The following DPYD variants were observed in gnomAD, a reference collection of about 807,000 sequenced individuals.
DPYD encodes the protein dihydropyrimidine dehydrogenase.
DPYD carries 109 observed loss-of-function variants against 116.2 expected under a neutral mutation model. The observed-to-expected ratio is 0.94, with a 90% CI of 0.80 to 1.10. DPYD has a LOEUF of 1.10. Ranked by LOEUF, DPYD falls within the 50% of genes least tolerant of loss-of-function variation. DPYD has a pLI of 0.00. For synonymous variants in DPYD, 440 were observed against 432.0 expected (o/e 1.02, Z -0.23); for missense variants, 1,302 against 1,254.5 (o/e 1.04, Z -0.57).
At chr1:97,309,461 C>T (rs968864887) in intron 16 of DPYD, among the ~76,000 whole-genome samples, 1 of 151,504 alleles carries the variant, frequency 6.6e-6, no homozygotes, top group Non-Finnish European at 1.5e-5. Flanking sequence ...GACAGAGGTG[C>T]ATGGCATTAT....
intron 3 of DPYD, among the ~76,000 whole-genome samples, chr1:97,770,035 G>C (rs776637088): frequency 2.6e-5 from 4 of 152,176 alleles, no homozygotes; most frequent in Non-Finnish European, 5.9e-5. Context: ...ATATTAAAAA[G>C]CCATTCAATG....
chr1:97,224,958 G>T (rs1661016481), intron 19 of DPYD, among the ~76,000 whole-genome samples: 1 of 151,812 alleles, frequency 6.6e-6, no homozygotes. Context: ...GAATAATACT[G>T]CACAGAATAT....
intron 4 of DPYD, among the ~76,000 whole-genome samples, chr1:97,737,011 T>C (rs1663993483): frequency 6.6e-6 from 1 of 152,108 alleles, no homozygotes; most frequent in Non-Finnish European, 1.5e-5. Flanking sequence ...TTTTATAAAA[T>C]ACTCCTCACC....
At chr1:97,655,838 G>A (rs1010002998) in intron 8 of DPYD, among the ~76,000 whole-genome samples, 6 of 152,086 alleles carry the variant, frequency 3.9e-5, no homozygotes, top group African/African-American at 7.2e-5. Flanking sequence ...AAATATTGAC[G>A]TTAAAGGTTC....
chr1:97,687,200 G>C (rs1475853628), intron 7 of DPYD, among the ~76,000 whole-genome samples: 1 of 152,110 alleles, frequency 6.6e-6, no homozygotes, highest in East Asian at 1.9e-4. Flanking sequence ...GAACCCAGGA[G>C]GTAGAGGTTG....
At chr1:97,484,610 A>G (rs1318217712) in intron 13 of DPYD, among the ~76,000 whole-genome samples, 1 of 152,124 alleles carries the variant, frequency 6.6e-6, no homozygotes, top group Non-Finnish European at 1.5e-5. Flanking sequence ...TTCTCCATGT[A>G]GCACAACTGT....
Position 97,487,445 on chromosome 1 carries a change from G to A in DPYD, c.1740+28281C>T, listed in dbSNP as rs529862038. Among the ~76,000 whole-genome samples the A allele has an allele frequency of 2.8e-3, 429 of 152,112 alleles. 1 individual carries two copies. The highest frequency in any genetic ancestry group is 0.014 in the Middle Eastern group (4 of 294). On this transcript the variant is annotated intron_variant, in intron 13 of 22. Coordinates refer to ENST00000370192, the MANE Select transcript of DPYD (RefSeq NM_000110.4). ...TCCCAGCACTTTGGGAGGCCAAGGC[G>A]GGCGGATCACGAGGTCAGGAGATCG...
intron 3 of DPYD, among the ~76,000 whole-genome samples, chr1:97,810,700 T>C (rs1668310776): frequency 6.6e-6 from 1 of 152,202 alleles, no homozygotes; most frequent in Admixed American, 6.5e-5. Context: ...GCAGACTCTC[T>C]GTATTCATTT....
chr1:97,107,290 C>T (rs963677408), intron 20 of DPYD, among the ~76,000 whole-genome samples: 2 of 152,090 alleles, frequency 1.3e-5, no homozygotes, highest in African/African-American at 2.4e-5. Flanking sequence ...TTAACTGGGG[C>T]CTGCATAGTC....
At position 97,659,596 on chromosome 1, in the gene DPYD, C is replaced by T. The variant is rs560695019; in HGVS notation, c.850+19499G>A. Among the ~76,000 whole-genome samples the T allele has an allele frequency of 3.9e-5, 6 of 152,236 alleles. No individual in the cohort carries two copies. The South Asian group carries it at 1.2e-3, about 32-fold the overall frequency. On this transcript the variant is annotated intron_variant, in intron 8 of 22. Coordinates refer to ENST00000370192, the MANE Select transcript of DPYD (RefSeq NM_000110.4). ...CTTTAACAGAAATCAGTACTCACTT[C>T]TTCCTTCAACTAAAGTTGAAAGCTT...
chr1:97,597,966 A>T (rs573528188), intron 8 of DPYD, among the ~76,000 whole-genome samples: 30 of 152,264 alleles, frequency 2.0e-4, no homozygotes, highest in African/African-American at 7.0e-4. Context: ...TAAAAATGTT[A>T]AAAAAATTAC....
At chr1:97,285,912 C>A (rs1303013562) in intron 18 of DPYD, among the ~76,000 whole-genome samples, 1 of 152,206 alleles carries the variant, frequency 6.6e-6, no homozygotes, top group Non-Finnish European at 1.5e-5. Flanking sequence ...ACCATTTAGT[C>A]CATTTACATT....
chr1:97,445,704 T>C (rs1303348026), intron 14 of DPYD, among the ~76,000 whole-genome samples: 1 of 150,380 alleles, frequency 6.6e-6, no homozygotes, highest in Non-Finnish European at 1.5e-5. Context: ...ATTACTCCTT[T>C]CTAAATGTAT....
At chr1:97,447,002 G>T (rs2101780366) in intron 14 of DPYD, among the ~76,000 whole-genome samples, 1 of 152,190 alleles carries the variant, frequency 6.6e-6, no homozygotes, top group East Asian at 1.9e-4. Context: ...GTAGGCTTTG[G>T]TATAACTGTG....
At chr1:97,818,616 C>A (rs1370439077) in intron 3 of DPYD, among the ~76,000 whole-genome samples, 1 of 151,956 alleles carries the variant, frequency 6.6e-6, no homozygotes, top group Non-Finnish European at 1.5e-5. Flanking sequence ...TCTTCTATTT[C>A]CCCAATTAAA....
intron 18 of DPYD, among the ~76,000 whole-genome samples, chr1:97,264,162 GTTTTTTTTTTTTTTTTT>G (rs71071641): frequency 5.0e-5 from 3 of 60,088 alleles, no homozygotes; most frequent in East Asian, 5.6e-4. Context: ...GCAAAATTCT[GTTTTTTTTTTTTTTTTT>G]TTTTTTTTTT....
Position 97,573,949 on chromosome 1 carries a change from T to C in DPYD, c.1150A>G (p.Lys384Glu), listed in dbSNP as rs1653091599. 1 of 1,613,498 alleles carries C rather than the reference T, an allele frequency of 6.2e-7. No homozygotes were observed. Among genetic ancestry groups the C allele is most frequent in the East Asian group, 2.2e-5 (1 of 44,840 alleles). Residue 384 changes from lysine to glutamate, a missense_variant, in exon 11 of 23, where the codon AAG becomes GAG. By Grantham distance (56) the Lys-to-Glu change is moderately conservative (BLOSUM62 1). Coordinates refer to ENST00000370192, the MANE Select transcript of DPYD (RefSeq NM_000110.4). ...GACAGGAATGGCAGAAATTCACACT[T>C]TTCTTCCTTAGCAAGTTCCATCTAA... ...PEEMELAKEE[K>E]CEFLPFLSPR...
rs886046574 is a variant in DPYD at position 97,078,783 on chromosome 1, T to G, written c.*193A>C. On this transcript the variant is annotated 3_prime_UTR_variant, in exon 23 of 23. Coordinates refer to ENST00000370192, the MANE Select transcript of DPYD (RefSeq NM_000110.4). The stretch of plus-strand genomic sequence containing the variant: ...CTCAGAAAAGAATTATTCTATTTTA[T>G]GACCACTAATTGAATGGTCATTGAC... The G allele has an allele frequency of 3.7e-5, 23 of 624,404 alleles. No homozygotes were observed. The highest frequency in any genetic ancestry group is 1.1e-5 in the Non-Finnish European group (4 of 363,058). The allele number at this position is 624,404 out of a possible 1,614,324, so 38.7% of individuals were successfully genotyped here. A position where few individuals can be genotyped will look rare whatever the true frequency, so the allele number is the denominator to read the frequency against.
chr1:97,176,975 C>T (rs1247533298), intron 20 of DPYD, among the ~76,000 whole-genome samples: 1 of 151,618 alleles, frequency 6.6e-6, no homozygotes, highest in Non-Finnish European at 1.5e-5. Context: ...CAGGCCTTTG[C>T]CACGCTTTAT....
Sources: allele counts gnomAD v4.1 joint callset (sites outside exome capture counted in the v4.1 genomes callset), GRCh38; gene constraint gnomAD v4.1.1; transcripts MANE v1.5; gene names NCBI Gene and HGNC (gene_info 2026-07-23, HGNC 2026-07-21).